The following MAP2K6 variants were observed in gnomAD, a reference collection of about 807,000 sequenced individuals.
MAP2K6 encodes the protein mitogen-activated protein kinase kinase 6, also known as dual specificity mitogen-activated protein kinase kinase 6.
A neutral mutation model predicts 53.7 loss-of-function variants in MAP2K6; 16 were observed. The ratio of observed to expected loss-of-function variants is 0.30; its 90% CI spans 0.20 to 0.45. MAP2K6 has a LOEUF of 0.45. Ranked by LOEUF, MAP2K6 falls within the 20% of genes least tolerant of loss-of-function variation. MAP2K6 has a pLI of 1.00. For synonymous variants in MAP2K6, 132 were observed against 143.1 expected (o/e 0.92, Z 0.55); for missense variants, 204 against 411.9 (o/e 0.50, Z 4.37).
chr17:69,518,855 T>C (rs1910313056), intron 4 of MAP2K6, among the ~76,000 whole-genome samples: 1 of 152,260 alleles, frequency 6.6e-6, no homozygotes, highest in South Asian at 2.1e-4. Flanking sequence ...TCTATTTCTC[T>C]AATTGCTTCT....
At chr17:69,534,113 C>T (rs1911233727) in intron 10 of MAP2K6, among the ~76,000 whole-genome samples, 2 of 152,180 alleles carry the variant, frequency 1.3e-5, no homozygotes, top group African/African-American at 4.8e-5. Flanking sequence ...TATTAGATGC[C>T]AGTAACACCC....
At chr17:69,462,910 C>T (rs1387472705) in intron 1 of MAP2K6, among the ~76,000 whole-genome samples, 4 of 150,114 alleles carry the variant, frequency 2.7e-5, no homozygotes, top group African/African-American at 9.8e-5. Context: ...CTGGCCAACA[C>T]AGTGAAACCC....
At chr17:69,440,680 C>G (rs994412093) in intron 1 of MAP2K6, among the ~76,000 whole-genome samples, 12 of 151,170 alleles carry the variant, frequency 7.9e-5, no homozygotes, top group Admixed American at 2.0e-4. Flanking sequence ...CTTGATTTTT[C>G]CTTCATTTCT....
At position 69,528,846 on chromosome 17, in the gene MAP2K6, A is replaced by G. The variant is rs561067823; in HGVS notation, c.881+2137A>G. ...TGCACTCCAGCCTGGGTGATAAGAG[A>G]GAGACGCCATCTCAAAAAAAAAAAA... On this transcript the variant is annotated intron_variant, in intron 10 of 11. Coordinates refer to ENST00000590474, the MANE Select transcript of MAP2K6 (RefSeq NM_002758.4). Among the ~76,000 whole-genome samples the G allele has an allele frequency of 7.5e-4, 94 of 125,898 alleles. 1 individual carries two copies. The highest frequency in any genetic ancestry group is 2.8e-3 in the African/African-American group (90 of 32,394). 82.6% of individuals were successfully genotyped at this position (125,898 alleles called of 152,430 possible). A position where few individuals can be genotyped will look rare whatever the true frequency, so the allele number is the denominator to read the frequency against.
chr17:69,466,181 T>C (rs1167871359), intron 1 of MAP2K6, among the ~76,000 whole-genome samples: 1 of 148,886 alleles, frequency 6.7e-6, no homozygotes, highest in Non-Finnish European at 1.5e-5. Context: ...AGCTACCAGC[T>C]ACTCGGGAGG....
chr17:69,512,760 A>C (rs1301780190), intron 2 of MAP2K6, among the ~76,000 whole-genome samples: 1 of 152,192 alleles, frequency 6.6e-6, no homozygotes, highest in Non-Finnish European at 1.5e-5. Flanking sequence ...AACACCTCTG[A>C]GAGTTGTAAA....
chr17:69,529,439 A>G (rs1910960038), intron 10 of MAP2K6, among the ~76,000 whole-genome samples: 1 of 152,140 alleles, frequency 6.6e-6, no homozygotes, highest in Non-Finnish European at 1.5e-5. Flanking sequence ...TCTCCGAAGA[A>G]TCAGAGCATT....
intron 1 of MAP2K6, among the ~76,000 whole-genome samples, chr17:69,419,536 ATATTAT>A (rs1417712952): frequency 6.6e-6 from 1 of 152,132 alleles, no homozygotes; most frequent in Non-Finnish European, 1.5e-5. Context: ...TTCTACTCTA[ATATTAT>A]TAGTGATAAG....
rs148692748 is a variant in MAP2K6 at position 69,454,463 on chromosome 17, C to T, written c.16+39463C>T. On this transcript the variant is annotated intron_variant, in intron 1 of 11. Transcript: ENST00000590474. ...GCAGTAGTACAATCTGGGCTCACTG[C>T]AACCTCCACCTCCCAGGTTCAAGTG... Among the ~76,000 whole-genome samples the T allele has an allele frequency of 8.3e-4, 127 of 152,322 alleles. 3 individuals carry two copies. The East Asian group carries it at 0.023, about 27-fold the overall frequency.
intron 1 of MAP2K6, among the ~76,000 whole-genome samples, chr17:69,454,488 G>A (rs1455729393): frequency 6.6e-6 from 1 of 152,120 alleles, no homozygotes; most frequent in East Asian, 1.9e-4. Flanking sequence ...AGGTTCAAGT[G>A]ATGCTCCTGC....
At chr17:69,430,514 A>G (rs1906428129) in intron 1 of MAP2K6, among the ~76,000 whole-genome samples, 1 of 152,234 alleles carries the variant, frequency 6.6e-6, no homozygotes, top group African/African-American at 2.4e-5. Context: ...CTTCAGCAGC[A>G]ATCTTTGTTC....
At chr17:69,464,356 A>G (rs551248877) in intron 1 of MAP2K6, among the ~76,000 whole-genome samples, 2 of 152,028 alleles carry the variant, frequency 1.3e-5, no homozygotes, top group East Asian at 3.9e-4. Context: ...CTCACTACTT[A>G]TTTTTATTTT....
At chr17:69,484,451 A>T (rs1908453481) in intron 1 of MAP2K6, among the ~76,000 whole-genome samples, 1 of 152,084 alleles carries the variant, frequency 6.6e-6, no homozygotes, top group African/African-American at 2.4e-5. Flanking sequence ...GATGTGGAGA[A>T]ATTGGAACCC....
chr17:69,484,719 A>G (rs1567835081), intron 1 of MAP2K6, among the ~76,000 whole-genome samples: 2 of 152,196 alleles, frequency 1.3e-5, no homozygotes, highest in African/African-American at 4.8e-5. Flanking sequence ...CAGGTATTCT[A>G]TACAATGGAA....
chr17:69,435,781 C>A (rs1395493906), intron 1 of MAP2K6, among the ~76,000 whole-genome samples: 1 of 151,892 alleles, frequency 6.6e-6, no homozygotes, highest in African/African-American at 2.4e-5. Flanking sequence ...GATTCTCCCG[C>A]CTAAGCCTCC....
chr17:69,456,080 C>T (rs1227192386), intron 1 of MAP2K6, among the ~76,000 whole-genome samples: 2 of 152,052 alleles, frequency 1.3e-5, no homozygotes, highest in East Asian at 1.9e-4. Context: ...AGGCTGGTCT[C>T]GAACTCCTGA....
intron 1 of MAP2K6, among the ~76,000 whole-genome samples, chr17:69,482,111 G>C (rs925660959): frequency 6.6e-6 from 1 of 152,074 alleles, no homozygotes; most frequent in African/African-American, 2.4e-5. Context: ...TTTAGGCAAA[G>C]AAATTGAGTC....
At chr17:69,417,194 A>G (rs570149712) in intron 1 of MAP2K6, among the ~76,000 whole-genome samples, 1 of 152,324 alleles carries the variant, frequency 6.6e-6, no homozygotes, top group South Asian at 2.1e-4. Context: ...TGGACTTTAA[A>G]TGTGGAATTG....
At chr17:69,479,535 A>T (rs568843426) in intron 1 of MAP2K6, among the ~76,000 whole-genome samples, 19 of 152,288 alleles carry the variant, frequency 1.2e-4, no homozygotes, top group African/African-American at 4.6e-4. Flanking sequence ...ATTAAAAAAA[A>T]AATTCAAAAC....
Sources: gnomAD v4.1 joint callset for allele counts (sites outside exome capture counted in the v4.1 genomes callset) on GRCh38, gnomAD v4.1.1 for gene constraint, MANE v1.5 for transcripts, NCBI Gene and HGNC (gene_info 2026-07-23, HGNC 2026-07-21) for gene names.